DOCK8: variants seen among roughly 807,000 people sequenced by gnomAD.
The protein encoded by DOCK8 is dedicator of cytokinesis protein 8.
DOCK8 carries 141 observed loss-of-function variants against 245.6 expected under a neutral mutation model. That is an observed-to-expected ratio of 0.57 (90% CI 0.50 to 0.66). DOCK8 has a LOEUF of 0.66. Among genes scored for constraint, DOCK8 ranks in the 30% least tolerant of loss-of-function variants. DOCK8 has a pLI of 0.00. For synonymous variants in DOCK8, 1,168 were observed against 970.2 expected (o/e 1.20, Z -3.79); for missense variants, 2,965 against 2,603.4 (o/e 1.14, Z -3.02).
At chr9:451,943 ATGTGTGTG>A (rs1269297855) in intron 45 of DOCK8, 60 bp from the exon 46 acceptor site, 145 of 305,194 alleles carry the variant, frequency 4.8e-4, no homozygotes, top group South Asian at 2.5e-3. Context: ...GTATATATAT[ATGTGTGTG>A]TGTGTATATA....
chr9:451,468 A>G (rs903717809), intron 45 of DOCK8, among the ~76,000 whole-genome samples: 4 of 151,992 alleles, frequency 2.6e-5, no homozygotes, highest in Admixed American at 2.6e-4. Context: ...ACAAAAAAAT[A>G]CAAAAATAGC....
At chr9:284,525 G>T (rs2048727996) in intron 2 of DOCK8, 1 of 152,204 alleles carries the variant, frequency 6.6e-6, no homozygotes, top group Admixed American at 6.5e-5. Context: ...AGGTTGTCCT[G>T]TCACCTTCTC....
rs571232026 is a variant in DOCK8 at position 302,289 on chromosome 9, T to TA, written c.405-2291dup. On this transcript the variant is annotated intron_variant, in intron 4 of 47. Transcript: ENST00000432829. ...AATAAATGGTGCTGGAGCAACTGGC[T>TA]AGTCATATACAGAATATTGAAATTG... Among the ~76,000 whole-genome samples the TA allele has an allele frequency of 2.2e-3, 341 of 152,354 alleles. 1 individual carries two copies. The highest frequency in any genetic ancestry group is 7.9e-3 in the African/African-American group (329 of 41,582).
At chr9:339,469 C>G (rs1008895504) in intron 13 of DOCK8, among the ~76,000 whole-genome samples, 9 of 152,116 alleles carry the variant, frequency 5.9e-5, no homozygotes, top group African/African-American at 2.2e-4. Context: ...CTCGGCAGCC[C>G]TGGAGGTACT....
At chr9:378,256 C>T (rs1215660901) in intron 20 of DOCK8, among the ~76,000 whole-genome samples, 4 of 152,096 alleles carry the variant, frequency 2.6e-5, no homozygotes, top group African/African-American at 9.7e-5. Flanking sequence ...AAAGAGATGG[C>T]CTTGAAGAAG....
At chr9:317,021 C>T (rs776511363) in intron 6 of DOCK8, 22 bp from the exon 7 acceptor site, 2 of 1,591,534 alleles carry the variant, frequency 1.3e-6, no homozygotes, top group South Asian at 1.1e-5. Flanking sequence ...TAATGATTTC[C>T]TTACGATGTG....
chr9:415,580 G>C (rs1269651269), intron 29 of DOCK8, among the ~76,000 whole-genome samples: 1 of 152,134 alleles, frequency 6.6e-6, no homozygotes, highest in East Asian at 1.9e-4. Flanking sequence ...AAGGAATGTA[G>C]AGGGAAAAAA....
intron 33 of DOCK8, among the ~76,000 whole-genome samples, chr9:425,610 T>C (rs1471866310): frequency 1.3e-5 from 2 of 150,638 alleles, no homozygotes; most frequent in African/African-American, 4.9e-5. Flanking sequence ...TTTATCACGA[T>C]ATAAAAATTT....
chr9:255,682 A>G (rs916158358), intron 1 of DOCK8, among the ~76,000 whole-genome samples: 2 of 151,556 alleles, frequency 1.3e-5, no homozygotes, highest in African/African-American at 4.8e-5. Flanking sequence ...AAAAAAAAAA[A>G]AAAAAAAAAA....
At chr9:284,448 C>G (rs1023092865) in intron 2 of DOCK8, 3 of 152,256 alleles carry the variant, frequency 2.0e-5, no homozygotes, top group African/African-American at 7.2e-5. Context: ...AGGGAACCGA[C>G]TCTGTCCCTT....
rs368932755 is a variant in DOCK8 at position 428,505 on chromosome 9, G to A, written c.4473+9G>A. 20 of 1,614,070 alleles carry A rather than the reference G, an allele frequency of 1.2e-5. No homozygotes were observed. In the African/African-American group the frequency reaches 2.5e-4, roughly 20 times the overall value. On this transcript the variant is annotated intron_variant, in intron 35 of 47. Transcript: ENST00000432829. The stretch of plus-strand genomic sequence containing the variant: ...GTGCTCTCATCGCCAAGGTAAACTT[G>A]GGATGCTTGTTTTCTTCCTCTTAAT...
At position 289,528 on chromosome 9, in the gene DOCK8, T is replaced by C; in HGVS notation, c.351T>C (p.His117=). 2 of 1,613,686 alleles carry C rather than the reference T, an allele frequency of 1.2e-6. No individual in the cohort carries two copies. The highest frequency in any genetic ancestry group is 8.5e-7 in the Non-Finnish European group (1 of 1,179,708). ...TCATTAGGGTTGAACTGGACCCTCA[T>C]GTCAGGGACTGTGTTCAGACCTACA... The part of the protein sequence containing the change: ...LPEEGVELDP[H]VRDCVQTYIR... Residue 117 remains histidine (H), a synonymous_variant, in exon 4 of 48, where the codon CAT becomes CAC. Transcript: ENST00000432829.
At chr9:361,942 A>T (rs1383292388) in intron 14 of DOCK8, among the ~76,000 whole-genome samples, 1 of 152,190 alleles carries the variant, frequency 6.6e-6, no homozygotes, top group East Asian at 1.9e-4. Context: ...AACATTATAC[A>T]CTGAGTATTG....
chr9:218,832 T>C (rs1271334770), intron 1 of DOCK8, among the ~76,000 whole-genome samples: 1 of 152,214 alleles, frequency 6.6e-6, no homozygotes, highest in African/African-American at 2.4e-5. Flanking sequence ...TGGCTTACAC[T>C]TCTAGAATGC....
rs577392552 is a variant in DOCK8, at chr9:325,725, A to G, written c.882A>G (p.Lys294=). The change falls in exon 8 of 48, where the codon AAA becomes AAG. Residue 294 remains lysine, a synonymous_variant. Coordinates refer to ENST00000432829, the MANE Select transcript of DOCK8 (RefSeq NM_203447.4). ...CCAGCATTGCCCTCTACGATGTTAAAGAAAGGAAAAAGGTAAGAAAGCAAA... is the reference window on the plus strand; with the variant it reads ...CCAGCATTGCCCTCTACGATGTTAAGGAAAGGAAAAAGGTAAGAAAGCAAA... ...LFASIALYDV[K]ERKKISENFH... is the part of the protein sequence containing the mutation. 6.2e-7 allele frequency: 1 copy of G among 1,614,016 alleles called. No individual in the cohort carries two copies. The highest frequency in any genetic ancestry group is 2.2e-5 in the East Asian group (1 of 44,866).
At chr9:299,691 G>A (rs1348633470) in intron 4 of DOCK8, among the ~76,000 whole-genome samples, 1 of 151,828 alleles carries the variant, frequency 6.6e-6, no homozygotes, top group African/African-American at 2.4e-5. Flanking sequence ...ATATAGGTTT[G>A]GGTCAGAGAA....
intron 5 of DOCK8, among the ~76,000 whole-genome samples, chr9:305,631 A>G (rs778367514): frequency 1.3e-5 from 2 of 152,218 alleles, no homozygotes; most frequent in African/African-American, 4.8e-5. Context: ...AATTCAAGTT[A>G]AAGTGTACAT....
intron 14 of DOCK8, 97 bp from the exon 15 acceptor site, chr9:367,921 A>T: frequency 9.8e-7 from 1 of 1,018,954 alleles, no homozygotes; most frequent in Non-Finnish European, 1.5e-6. Context: ...TCTTTGGAAA[A>T]AGCACCCCAT....
At chr9:341,823 A>G (rs2051609779) in intron 14 of DOCK8, among the ~76,000 whole-genome samples, 1 of 152,198 alleles carries the variant, frequency 6.6e-6, no homozygotes, top group Admixed American at 6.5e-5. Context: ...GCCACTCCCC[A>G]TTGCTGGCAT....
Sources: allele counts gnomAD v4.1 joint callset (sites outside exome capture counted in the v4.1 genomes callset), GRCh38; gene constraint gnomAD v4.1.1; transcripts MANE v1.5; gene names NCBI Gene and HGNC (gene_info 2026-07-23, HGNC 2026-07-21).